Variants in ZNF662 observed in about 807,000 individuals in gnomAD.
ZNF662 encodes zinc finger protein 662.
A neutral mutation model predicts 12.4 loss-of-function variants in ZNF662; 14 were observed. The ratio of observed to expected loss-of-function variants is 1.13; its 90% CI spans 0.75 to 1.77. The LOEUF is 1.77. ZNF662 is among the 40% of genes most tolerant of loss of function. The pLI is 0.00. For synonymous variants in ZNF662, 184 were observed against 176.4 expected (o/e 1.04, Z -0.34); for missense variants, 550 against 515.6 (o/e 1.07, Z -0.65).
rs1442798836 is a variant in ZNF662, at chr3:42,915,348, AC to A, written c.1276del (p.His426IlefsTer23). 6.4e-7 allele frequency: 1 copy of A among 1,563,158 alleles called. No homozygotes were observed. On this transcript the variant is annotated frameshift_variant, in exon 5 of 5. Transcript: ENST00000440367. LOFTEE classifies it high-confidence loss of function. The stretch of plus-strand genomic sequence containing the variant: ...ACTGTCAGATCTCTCACCTTCTTGA[AC>A]ATTAGAGAGTGCATAATGGTGATAC... ...YNCQISHLLE[H>X]
chr3:42,917,423 T>C lies in ZNF662; in HGVS notation c.*2069T>C, dbSNP rs1035359440. On this transcript the variant is annotated 3_prime_UTR_variant, in exon 5 of 5. Transcript: ENST00000440367. Reference sequence around the variant, plus strand: ...TAGGAAAATGTGAGACCTAGAATTATAGCAACTTTTTTTTTCTGTTAAAAG... The same window carrying C: ...TAGGAAAATGTGAGACCTAGAATTACAGCAACTTTTTTTTTCTGTTAAAAG... 1.5e-6 allele frequency: 1 copy of C among 676,190 alleles called. No individual in the cohort carries two copies. The highest frequency in any genetic ancestry group is 2.7e-6 in the Non-Finnish European group (1 of 377,234). The allele number at this position is 676,190 out of a possible 1,614,324, so 41.9% of individuals were successfully genotyped here.
intron 3 of ZNF662, among the ~76,000 whole-genome samples, chr3:42,912,693 A>ATT (rs55883208): frequency 0.21 from 11,008 of 52,924 alleles, 1,913 homozygotes; most frequent in Non-Finnish European, 0.23. Flanking sequence ...ATATATATAT[A>ATT]TTTTATATAT....
rs905738060 is a variant in ZNF662 at position 42,917,772 on chromosome 3, A to G, written c.*2418A>G. On this transcript the variant is annotated 3_prime_UTR_variant, in exon 5 of 5. Transcript: ENST00000440367. ...TGCTCAGTAGTCTCATAAGCTTCTC[A>G]GTTTTATCTCATCTCAGTTGCTTGG... 1.0e-5 allele frequency: 6 copies of G among 583,250 alleles called. No individual in the cohort carries two copies. The highest frequency in any genetic ancestry group is 1.8e-5 in the Non-Finnish European group (6 of 332,980). 36.1% of individuals were successfully genotyped at this position (583,250 alleles called of 1,614,324 possible). A position where few individuals can be genotyped will look rare whatever the true frequency, so the allele number is the denominator to read the frequency against.
At chr3:42,911,773 T>C (rs1017169341) in intron 3 of ZNF662, among the ~76,000 whole-genome samples, 2 of 152,172 alleles carry the variant, frequency 1.3e-5, no homozygotes, top group Admixed American at 1.3e-4. Context: ...GTGTCTGTTA[T>C]TGAGTAAGAA....
In ZNF662 at chr3:42,908,680, A is replaced by T; in HGVS notation, c.35-113A>T. The T allele has an allele frequency of 6.8e-7, 1 of 1,467,154 alleles. No homozygotes were observed. Among genetic ancestry groups the T allele is most frequent in the South Asian group, 1.4e-5 (1 of 71,028 alleles). The allele number at this position is 1,467,154 out of a possible 1,614,324, so 90.9% of individuals were successfully genotyped here. A position where few individuals can be genotyped will look rare whatever the true frequency, so the allele number is the denominator to read the frequency against. On this transcript the variant is annotated intron_variant, in intron 2 of 4. Coordinates refer to ENST00000440367, the MANE Select transcript of ZNF662 (RefSeq NM_207404.4). ...TGGAATTCCTTTTCTTGTTCTTCCTAGTTATTTCCGTTTTTTTCCCCTCCT... is the reference window on the plus strand; with the variant it reads ...TGGAATTCCTTTTCTTGTTCTTCCTTGTTATTTCCGTTTTTTTCCCCTCCT...
At chr3:42,907,993 C>G in intron 1 of ZNF662, 29 bp from the exon 2 acceptor site, 1 of 1,613,424 alleles carries the variant, frequency 6.2e-7, no homozygotes, top group East Asian at 2.2e-5. Flanking sequence ...TGGGGTTGTC[C>G]TAGGGCATTT....
chr3:42,912,672 T>TTG (rs2088832282), intron 3 of ZNF662, among the ~76,000 whole-genome samples: 1 of 31,870 alleles, frequency 3.1e-5, no homozygotes, highest in African/African-American at 8.7e-5. Context: ...ATATATTTTT[T>TTG]ATATATATAA....
In ZNF662 at chr3:42,908,637, C is replaced by T. The variant is rs550267844; in HGVS notation, c.35-156C>T. On this transcript the variant is annotated intron_variant, in intron 2 of 4. Transcript: ENST00000440367. ...CTGACCTTTGTAAGTCTCCTGGCCC[C>T]TCTCTTGTCCTTTCCCCTGGAATTC... The T allele has an allele frequency of 7.0e-5, 103 of 1,462,920 alleles. 1 individual carries two copies. The South Asian group carries it at 1.4e-3, about 20-fold the overall frequency. The allele number at this position is 1,462,920 out of a possible 1,614,324, so 90.6% of individuals were successfully genotyped here. A position where few individuals can be genotyped will look rare whatever the true frequency, so the allele number is the denominator to read the frequency against.
chr3:42,915,485 A>T lies in ZNF662; in HGVS notation c.*131A>T. The stretch of plus-strand genomic sequence containing the variant: ...CCAGTATTATCTTGCCCTTTTGAAC[A>T]TTTACCATGTACTCTAGCAAGACTG... On this transcript the variant is annotated 3_prime_UTR_variant, in exon 5 of 5. Coordinates refer to ENST00000440367, the MANE Select transcript of ZNF662 (RefSeq NM_207404.4). 1.2e-6 allele frequency: 1 copy of T among 850,560 alleles called. No homozygotes were observed. Among genetic ancestry groups the T allele is most frequent in the Non-Finnish European group, 1.8e-6 (1 of 559,864 alleles). 52.7% of individuals were successfully genotyped at this position (850,560 alleles called of 1,614,324 possible). A position where few individuals can be genotyped will look rare whatever the true frequency, so the allele number is the denominator to read the frequency against.
At chr3:42,913,153 C>G in intron 3 of ZNF662, 48 bp from the exon 4 acceptor site, 1 of 1,391,470 alleles carries the variant, frequency 7.2e-7, no homozygotes, top group Non-Finnish European at 1.0e-6. Flanking sequence ...CCTGATGGGC[C>G]TCACTCTTCT....
chr3:42,911,654 A>G (rs555469677), intron 3 of ZNF662, among the ~76,000 whole-genome samples: 2 of 152,344 alleles, frequency 1.3e-5, no homozygotes, highest in Non-Finnish European at 2.9e-5. Flanking sequence ...TGTCATTTGA[A>G]GGTGTAGAAT....
Position 42,914,423 on chromosome 3 carries a change from G to C in ZNF662, c.350G>C (p.Trp117Ser), listed in dbSNP as rs142465436. 3,550 of 1,613,940 alleles carry C rather than the reference G, an allele frequency of 2.2e-3. 5 individuals are homozygous for C. The highest frequency in any genetic ancestry group is 2.8e-3 in the Non-Finnish European group (3,256 of 1,179,966). The change falls in exon 5 of 5, where the codon TGG becomes TCG. Residue 117 changes from tryptophan to serine, a missense_variant. Transcript: ENST00000440367. ...ATGGTCCTATCAAGTGGACCCCAGT[G>C]GTGTGGATCCCAGGAATTATGGTTT... The part of the protein sequence containing the change: ...DLMVLSSGPQ[W>S]CGSQELWFGK...
chr3:42,910,044 G>A (rs904873659), intron 3 of ZNF662, among the ~76,000 whole-genome samples: 4 of 152,300 alleles, frequency 2.6e-5, no homozygotes, highest in Admixed American at 2.6e-4. Context: ...TCACGCCACT[G>A]CACTCCAGCC....
rs2088723370 is a variant in ZNF662 at position 42,908,856 on chromosome 3, GCTCGGTTC to G, written c.104_111del (p.Val35GlyfsTer27). The G allele has an allele frequency of 1.2e-6, 2 of 1,614,042 alleles. No homozygotes were observed. Among genetic ancestry groups the G allele is most frequent in the Non-Finnish European group, 1.7e-6 (2 of 1,180,020 alleles). Reference sequence around the variant, plus strand: ...CTGGAGCGAGGGGAAACACCCTGGTGCTCGGTTCCTCGGGGAGCTCTGGATGGAGAGGC... The same window carrying G: ...CTGGAGCGAGGGGAAACACCCTGGTGCTCGGGGAGCTCTGGATGGAGAGGC... On this transcript the variant is annotated frameshift_variant, in exon 3 of 5. Transcript: ENST00000440367. LOFTEE classifies it high-confidence loss of function.
At chr3:42,907,810 A>C (rs2088703991) in intron 1 of ZNF662, 1 of 985,310 alleles carries the variant, frequency 1.0e-6, no homozygotes. Flanking sequence ...GTTTGCTGAA[A>C]TAAAGATGAA....
At position 42,908,851 on chromosome 3, in the gene ZNF662, C is replaced by G; in HGVS notation, c.93C>G (p.Pro31=). The change falls in exon 3 of 5, where the codon CCC becomes CCG. Residue 31 remains proline, a synonymous_variant. Coordinates refer to ENST00000440367, the MANE Select transcript of ZNF662 (RefSeq NM_207404.4). ...CCCAGCTGGAGCGAGGGGAAACACC[C>G]TGGTGCTCGGTTCCTCGGGGAGCTC... The part of the protein sequence containing the change: ...LISQLERGET[P]WCSVPRGALD... 3 of 1,614,170 alleles carry G rather than the reference C, an allele frequency of 1.9e-6. No homozygotes were observed. The highest frequency in any genetic ancestry group is 2.5e-6 in the Non-Finnish European group (3 of 1,180,010).
chr3:42,908,000 A>G, intron 1 of ZNF662, 22 bp from the exon 2 acceptor site: 1 of 1,613,938 alleles, frequency 6.2e-7, no homozygotes, highest in Non-Finnish European at 8.5e-7. Context: ...GTCCTAGGGC[A>G]TTTAAACACA....
In ZNF662 at chr3:42,906,571, A is replaced by G. The variant is rs946551646; in HGVS notation, c.-94+403A>G. 18 of 821,126 alleles carry G rather than the reference A, an allele frequency of 2.2e-5. No homozygotes were observed. In the African/African-American group the frequency reaches 3.3e-4, roughly 15 times the overall value. The allele number at this position is 821,126 out of a possible 1,614,324, so 50.9% of individuals were successfully genotyped here. ...TGAGGGGCCTCGAGGGACAGGCAGC[A>G]CAGCGGAGTCGACACCCCTGGACCT... On this transcript the variant is annotated intron_variant, in intron 1 of 4. Transcript: ENST00000440367. The surrounding 1 kb of genome is among the most constrained non-coding windows in gnomAD (Gnocchi z 4.4).
At position 42,906,408 on chromosome 3, in the gene ZNF662, C is replaced by A; in HGVS notation, c.-94+240C>A. On this transcript the variant is annotated intron_variant, in intron 1 of 4. Coordinates refer to ENST00000440367, the MANE Select transcript of ZNF662 (RefSeq NM_207404.4). The surrounding 1 kb of genome is among the most constrained non-coding windows in gnomAD (Gnocchi z 4.4). ...GCCTCGGCCTTGTCCTCGAGCTGCTCCCGGGACAGCCCGCGCTGCCCCGGG... is the reference window on the plus strand; with the variant it reads ...GCCTCGGCCTTGTCCTCGAGCTGCTACCGGGACAGCCCGCGCTGCCCCGGG... 6.7e-7 allele frequency: 1 copy of A among 1,498,068 alleles called. No individual in the cohort carries two copies. Among genetic ancestry groups the A allele is most frequent in the Non-Finnish European group, 8.9e-7 (1 of 1,128,156 alleles). 92.8% of individuals were successfully genotyped at this position (1,498,068 alleles called of 1,614,324 possible).
Sources: gnomAD v4.1 joint callset for allele counts (sites outside exome capture counted in the v4.1 genomes callset) on GRCh38, gnomAD v4.1.1 for gene constraint, Gnocchi (gnomAD v3.1) non-coding constraint, MANE v1.5 for transcripts, NCBI Gene and HGNC (gene_info 2026-07-23, HGNC 2026-07-21) for gene names.